Variants in ZC3H14 observed in about 807,000 individuals in gnomAD.
ZC3H14 encodes zinc finger CCCH domain-containing protein 14.
In ZC3H14, 31 loss-of-function variants were observed where a neutral mutation model predicts 92.4. That is an observed-to-expected ratio of 0.34 (90% CI 0.25 to 0.45). The LOEUF (loss-of-function observed/expected upper bound fraction) is 0.45, where lower values mean the gene tolerates loss of function less well. Among genes scored for constraint, ZC3H14 ranks in the 20% least tolerant of loss-of-function variants. The pLI, the probability that ZC3H14 is intolerant of heterozygous loss-of-function variation, is 1.00. For synonymous variants in ZC3H14, 321 were observed against 300.9 expected (o/e 1.07, Z -0.69); for missense variants, 781 against 897.3 (o/e 0.87, Z 1.66).
intron 13 of ZC3H14, among the ~76,000 whole-genome samples, chr14:88,607,835 CCACCTCAGCCTGCAAGTACCATCCCCT>C: frequency 1.5e-5 from 2 of 137,028 alleles, no homozygotes; most frequent in Non-Finnish European, 3.1e-5. Context: ...GTACCATCCC[CCACCTCAGCCTGCAAGTACCATCCCCT>C]ATCTCACCCT....
chr14:88,603,573 A>G (rs886066295), intron 12 of ZC3H14, among the ~76,000 whole-genome samples: 4 of 152,224 alleles, frequency 2.6e-5, no homozygotes, highest in Non-Finnish European at 5.9e-5. Flanking sequence ...CTCATTTCAG[A>G]TAGCACCATA....
In ZC3H14 at chr14:88,627,383, T is replaced by C; in HGVS notation, c.*15632T>C. 2.1e-6 allele frequency: 1 copy of C among 477,380 alleles called. No individual in the cohort carries two copies. Among genetic ancestry groups the C allele is most frequent in the Non-Finnish European group, 3.7e-6 (1 of 271,122 alleles). The allele number at this position is 477,380 out of a possible 1,614,324, so 29.6% of individuals were successfully genotyped here. On this transcript the variant is annotated 3_prime_UTR_variant, in exon 17 of 17. Transcript: ENST00000251038. ...AATCAAATCATTAATAATAAATACA[T>C]AGTTTCTTGCTGGAAGAAAATAGCA...
chr14:88,611,707 G>A (rs1008347771), intron 16 of ZC3H14, 38 bp from the exon 17 acceptor site: 7 of 1,613,454 alleles, frequency 4.3e-6, no homozygotes, highest in Admixed American at 3.3e-5. Context: ...TGGATACAAA[G>A]CAGATAATTA....
chr14:88,575,748 A>G, intron 7 of ZC3H14, 92 bp from the exon 8 acceptor site: 1 of 1,050,212 alleles, frequency 9.5e-7, no homozygotes, highest in Non-Finnish European at 1.4e-6. Flanking sequence ...TTTAAAACCT[A>G]GAGAAGGTTG....
In ZC3H14 at chr14:88,625,102, A is replaced by ATGGTACC. The variant is rs2089717541; in HGVS notation, c.*13354_*13360dup. ...TTTCCACACACAGACATCACCACTG[A>ATGGTACC]TGGTACCTGTAAACGTCAAGTTATT... On this transcript the variant is annotated 3_prime_UTR_variant, in exon 17 of 17. Transcript: ENST00000251038. The ATGGTACC allele has an allele frequency of 3.1e-6, 5 of 1,613,878 alleles. No individual in the cohort carries two copies. The highest frequency in any genetic ancestry group is 1.3e-5 in the African/African-American group (1 of 75,048).
intron 9 of ZC3H14, chr14:88,595,081 A>T: frequency 6.2e-7 from 1 of 1,612,704 alleles, no homozygotes; most frequent in African/African-American, 1.3e-5. Context: ...TGATGTAAAA[A>T]TAATCGGCTT....
chr14:88,586,654 C>T (rs969679134), intron 9 of ZC3H14: 8 of 152,082 alleles, frequency 5.3e-5, no homozygotes, highest in African/African-American at 1.4e-4. Context: ...TGTGTCTAGG[C>T]GTGGATTTCC....
chr14:88,604,782 C>T lies in ZC3H14; in HGVS notation c.1747+1722C>T, dbSNP rs755786152. Among the ~76,000 whole-genome samples the T allele has an allele frequency of 5.9e-5, 9 of 152,024 alleles. No individual in the cohort carries two copies. The East Asian group carries it at 7.8e-4, about 13-fold the overall frequency. On this transcript the variant is annotated intron_variant, in intron 12 of 16. Transcript: ENST00000251038. Reference sequence around the variant, plus strand: ...GCTAATTTTGTAGTTTAAGTAGAGACGGGGTTTTACCATGTTGGTCAGGCT... The same window carrying T: ...GCTAATTTTGTAGTTTAAGTAGAGATGGGGTTTTACCATGTTGGTCAGGCT...
chr14:88,574,532 C>G lies in ZC3H14; in HGVS notation c.862-161C>G. 3 of 873,824 alleles carry G rather than the reference C, an allele frequency of 3.4e-6. No homozygotes were observed. The South Asian group carries it at 5.0e-5, about 15-fold the overall frequency. 54.1% of individuals were successfully genotyped at this position (873,824 alleles called of 1,614,324 possible). On this transcript the variant is annotated intron_variant, in intron 6 of 16. Transcript: ENST00000251038. Reference sequence around the variant, plus strand: ...TGCTAGGATTACAGATGTGAGCCACCACACCCAGCCTCATATTTATATTTT... The same window carrying G: ...TGCTAGGATTACAGATGTGAGCCACGACACCCAGCCTCATATTTATATTTT...
At chr14:88,594,754 C>T (rs780405564) in intron 9 of ZC3H14, 12 of 1,614,074 alleles carry the variant, frequency 7.4e-6, no homozygotes, top group Non-Finnish European at 3.4e-6. Context: ...GTTTCCATCA[C>T]CACCTCTACC....
In ZC3H14 at chr14:88,621,794, GAC is replaced by G. The variant is rs1246371387; in HGVS notation, c.*10047_*10048del. The G allele has an allele frequency of 8.2e-6, 3 of 365,294 alleles. No homozygotes were observed. The highest frequency in any genetic ancestry group is 6.8e-5 in the Admixed American group (2 of 29,560). The allele number at this position is 365,294 out of a possible 1,614,324, so 22.6% of individuals were successfully genotyped here. On this transcript the variant is annotated 3_prime_UTR_variant, in exon 17 of 17. Transcript: ENST00000251038. ...AGTTTTGAATTTTTATTTTGAAATT[GAC>G]ACATAATTATACATATCTATAGGGC...
intron 7 of ZC3H14, 100 bp from the exon 8 acceptor site, chr14:88,575,740 T>G: frequency 1.0e-6 from 1 of 997,376 alleles, no homozygotes; most frequent in Non-Finnish European, 1.5e-6. Context: ...CTAGTCTGTT[T>G]AAAACCTAGA....
chr14:88,579,237 C>T (rs535740088), intron 9 of ZC3H14, among the ~76,000 whole-genome samples: 6 of 152,248 alleles, frequency 3.9e-5, no homozygotes, highest in Admixed American at 3.9e-4. Context: ...TTTGTTTCCT[C>T]ATTGTGTCTC....
At chr14:88,588,834 T>C (rs546958049) in intron 9 of ZC3H14, among the ~76,000 whole-genome samples, 3 of 152,316 alleles carry the variant, frequency 2.0e-5, no homozygotes, top group African/African-American at 7.2e-5. Context: ...TACTCTTGAA[T>C]ACTTGCTTGA....
chr14:88,588,124 C>G (rs984208988), intron 9 of ZC3H14, among the ~76,000 whole-genome samples: 4 of 151,922 alleles, frequency 2.6e-5, no homozygotes, highest in African/African-American at 7.3e-5. Context: ...TCTTATCACT[C>G]TGTGCTTTGA....
intron 9 of ZC3H14, among the ~76,000 whole-genome samples, chr14:88,588,556 C>T (rs779977205): frequency 4.6e-5 from 7 of 151,914 alleles, no homozygotes; most frequent in Admixed American, 1.3e-4. Context: ...TTTTTTTCTC[C>T]GGGAACTTTT....
chr14:88,627,116 TG>T lies in ZC3H14; in HGVS notation c.*15366del, dbSNP rs1307672436. On this transcript the variant is annotated 3_prime_UTR_variant, in exon 17 of 17. Coordinates refer to ENST00000251038, the MANE Select transcript of ZC3H14 (RefSeq NM_024824.5). ...GCTAATCAACAGCATCAAACAAATA[TG>T]TAAAATACATAGTTCAAAAAACAAA... The T allele has an allele frequency of 6.7e-6, 10 of 1,497,102 alleles. No individual in the cohort carries two copies. Among genetic ancestry groups the T allele is most frequent in the African/African-American group, 1.4e-5 (1 of 72,584 alleles). 92.7% of individuals were successfully genotyped at this position (1,497,102 alleles called of 1,614,324 possible). A position where few individuals can be genotyped will look rare whatever the true frequency, so the allele number is the denominator to read the frequency against.
chr14:88,585,890 C>T (rs567190675), intron 9 of ZC3H14, among the ~76,000 whole-genome samples: 13 of 151,838 alleles, frequency 8.6e-5, no homozygotes, highest in South Asian at 2.1e-4. Flanking sequence ...CAAGTTGGGC[C>T]GGGTGCGGTG....
In ZC3H14 at chr14:88,563,418, C is replaced by T. The variant is rs1177420969; in HGVS notation, c.37-233C>T. 9.9e-5 allele frequency: 142 copies of T among 1,429,208 alleles called. No individual in the cohort carries two copies. In the South Asian group the frequency reaches 2.0e-3, roughly 20 times the overall value. The allele number at this position is 1,429,208 out of a possible 1,614,324, so 88.5% of individuals were successfully genotyped here. A position where few individuals can be genotyped will look rare whatever the true frequency, so the allele number is the denominator to read the frequency against. On this transcript the variant is annotated intron_variant, in intron 1 of 16. Coordinates refer to ENST00000251038, the MANE Select transcript of ZC3H14 (RefSeq NM_024824.5). ...GGCGCAGGCCCGGCTGGAGCCACCA[C>T]CGCGGCGCACGGCGCCGCTTTGGAT...
Sources: allele counts gnomAD v4.1 joint callset (sites outside exome capture counted in the v4.1 genomes callset), GRCh38; gene constraint gnomAD v4.1.1; transcripts MANE v1.5; gene names NCBI Gene and HGNC (gene_info 2026-07-23, HGNC 2026-07-21).